The following CTNNA3 variants were observed in gnomAD, a reference collection of about 807,000 sequenced individuals.
CTNNA3 encodes the protein catenin alpha-3.
A neutral mutation model predicts 95.7 loss-of-function variants in CTNNA3; 76 were observed. That is an observed-to-expected ratio of 0.79 (90% CI 0.66 to 0.96). The LOEUF is 0.96. Among genes scored for constraint, CTNNA3 ranks in the 40% least tolerant of loss-of-function variants. CTNNA3 has a pLI of 0.00. For synonymous variants in CTNNA3, 431 were observed against 374.4 expected, an observed-to-expected ratio of 1.15 and a Z score of -1.74; for missense variants, 1,191 against 1,089.8, an observed-to-expected ratio of 1.09 and a Z score of -1.31.
chr10:67,728,041 TA>T (rs1285962803), intron 1 of CTNNA3, among the ~76,000 whole-genome samples: 1 of 141,082 alleles, frequency 7.1e-6, no homozygotes, highest in Admixed American at 7.5e-5. Flanking sequence ...GATATATAAT[TA>T]TAATTATATA....
chr10:65,940,457 A>G (rs2077411709), intron 17 of CTNNA3, among the ~76,000 whole-genome samples: 1 of 152,196 alleles, frequency 6.6e-6, no homozygotes, highest in African/African-American at 2.4e-5. Flanking sequence ...AATGGCCACT[A>G]TTCACTCTGA....
At position 67,493,211 on chromosome 10, in the gene CTNNA3, GAAAA is replaced by G. The variant is rs201258598; in HGVS notation, c.579+28627_579+28630del. 2.2e-4 allele frequency among the ~76,000 whole-genome samples: 30 copies of G among 136,744 alleles called. 1 individual carries two copies. Among genetic ancestry groups the G allele is most frequent in the South Asian group, 1.4e-3 (6 of 4,364 alleles). The allele number at this position is 136,744 out of a possible 152,430, so 89.7% of individuals were successfully genotyped here. On this transcript the variant is annotated intron_variant, in intron 5 of 17. Coordinates refer to ENST00000433211, the MANE Select transcript of CTNNA3 (RefSeq NM_013266.4). ...AAGCTTCACCTAGCTCAACGTGGGG[GAAAA>G]AAAAAAAAAAGCTCGCAAAAGGAAT...
intron 7 of CTNNA3, among the ~76,000 whole-genome samples, chr10:66,967,402 A>G (rs908675305): frequency 6.6e-6 from 1 of 151,870 alleles, no homozygotes; most frequent in Admixed American, 6.6e-5. Context: ...GTATATACAT[A>G]TATACACACA....
At chr10:66,142,825 A>G (rs546852084) in intron 13 of CTNNA3, among the ~76,000 whole-genome samples, 41 of 152,242 alleles carry the variant, frequency 2.7e-4, no homozygotes, top group African/African-American at 9.6e-4. Flanking sequence ...ATTTTCTAGG[A>G]AAAGAGCAGA....
chr10:67,646,886 A>C (rs1839729769), intron 2 of CTNNA3, among the ~76,000 whole-genome samples: 1 of 152,142 alleles, frequency 6.6e-6, no homozygotes, highest in African/African-American at 2.4e-5. Context: ...CATTATGCAT[A>C]TCATCAAAGG....
intron 7 of CTNNA3, among the ~76,000 whole-genome samples, chr10:66,980,565 T>TTCTGTTTCCCAAGCAA (rs1564809959): frequency 1.3e-5 from 2 of 152,084 alleles, no homozygotes; most frequent in Admixed American, 6.6e-5. Context: ...GAGACCTTCC[T>TTCTGTTTCCCAAGCAA]ACCCACCTGT....
chr10:66,745,186 A>G (rs1838810901), intron 9 of CTNNA3, among the ~76,000 whole-genome samples: 1 of 152,188 alleles, frequency 6.6e-6, no homozygotes, highest in Non-Finnish European at 1.5e-5. Flanking sequence ...TCATGTTAAC[A>G]TCTTATTTGT....
At chr10:66,429,904 G>A (rs1208151100) in intron 11 of CTNNA3, among the ~76,000 whole-genome samples, 1 of 151,696 alleles carries the variant, frequency 6.6e-6, no homozygotes, top group Non-Finnish European at 1.5e-5. Context: ...TCTGGCCAGG[G>A]CAATCAGGCA....
At chr10:66,773,653 C>G (rs7077447) in intron 8 of CTNNA3, among the ~76,000 whole-genome samples, 131,440 of 152,206 alleles carry the variant, frequency 0.86, 57,229 homozygotes, top group East Asian at 1. Context: ...ATGCAAATAT[C>G]GTTGCTACTG....
intron 1 of CTNNA3, among the ~76,000 whole-genome samples, chr10:67,741,591 G>A (rs1054269748): frequency 8.6e-5 from 13 of 151,154 alleles, no homozygotes; most frequent in African/African-American, 3.2e-4. Context: ...GGAAGAAACT[G>A]CGTCAACTAA....
intron 17 of CTNNA3, among the ~76,000 whole-genome samples, chr10:65,939,623 A>G (rs1322662350): frequency 2.0e-5 from 3 of 152,034 alleles, no homozygotes; most frequent in African/African-American, 7.2e-5. Context: ...GCTTAGTGTA[A>G]TTTTTTGAGT....
intron 13 of CTNNA3, among the ~76,000 whole-genome samples, chr10:66,171,667 G>T (rs1162603801): frequency 6.6e-6 from 1 of 152,092 alleles, no homozygotes; most frequent in Non-Finnish European, 1.5e-5. Flanking sequence ...CTGTTGTTTG[G>T]TTAGGCTCAT....
chr10:66,418,702 C>A (rs75598535), intron 11 of CTNNA3, among the ~76,000 whole-genome samples: 6,650 of 142,690 alleles, frequency 0.047, 384 homozygotes, highest in East Asian at 0.23. Context: ...GGGATTTACC[C>A]AAGGGACACA....
chr10:66,677,544 A>G (rs771208782), intron 9 of CTNNA3, among the ~76,000 whole-genome samples: 20 of 152,028 alleles, frequency 1.3e-4, no homozygotes, highest in Non-Finnish European at 2.1e-4. Flanking sequence ...GAAGGACCCA[A>G]TGGGAGGTAA....
intron 12 of CTNNA3, among the ~76,000 whole-genome samples, chr10:66,324,841 A>G (rs552042324): frequency 3.5e-4 from 52 of 146,754 alleles, no homozygotes; most frequent in African/African-American, 1.3e-3. Flanking sequence ...GAACTAAGGT[A>G]GAACCAAGCA....
chr10:66,597,098 A>T (rs1447779065), intron 10 of CTNNA3, among the ~76,000 whole-genome samples: 1 of 152,024 alleles, frequency 6.6e-6, no homozygotes, highest in African/African-American at 2.4e-5. Flanking sequence ...AGAACCAGTG[A>T]ATTCAAAGAC....
intron 11 of CTNNA3, among the ~76,000 whole-genome samples, chr10:66,428,752 C>G (rs1266893070): frequency 6.6e-6 from 1 of 152,002 alleles, no homozygotes; most frequent in African/African-American, 2.4e-5. Context: ...ACATTTAAAG[C>G]AGTGTGTAGA....
chr10:67,136,945 G>A (rs1860332525), intron 7 of CTNNA3, among the ~76,000 whole-genome samples: 1 of 152,146 alleles, frequency 6.6e-6, no homozygotes, highest in African/African-American at 2.4e-5. Flanking sequence ...TGAGAGAGTA[G>A]GGGGCATATA....
intron 3 of CTNNA3, among the ~76,000 whole-genome samples, chr10:67,568,188 A>G (rs1841870848): frequency 6.7e-6 from 1 of 149,820 alleles, no homozygotes; most frequent in South Asian, 2.1e-4. Context: ...CTACATTTTC[A>G]TAGTTCTTCA....
Sources: gnomAD v4.1 joint callset for allele counts (sites outside exome capture counted in the v4.1 genomes callset) on GRCh38, gnomAD v4.1.1 for gene constraint, MANE v1.5 for transcripts, NCBI Gene and HGNC (gene_info 2026-07-23, HGNC 2026-07-21) for gene names.